Variants in CRTAC1 observed in about 807,000 individuals in gnomAD.
CRTAC1 encodes the protein acidic secreted protein in cartilage.
In CRTAC1, 37 loss-of-function variants were observed where a neutral mutation model predicts 67.8. The ratio of observed to expected loss-of-function variants is 0.55; its 90% CI spans 0.42 to 0.72. The LOEUF is 0.72. Among genes scored for constraint, CRTAC1 ranks in the 30% least tolerant of loss-of-function variants. The probability of loss-of-function intolerance (pLI) is 0.00; values close to 1 mark genes in which losing one functional copy is unlikely to be tolerated. For synonymous variants in CRTAC1, 348 were observed against 371.0 expected (o/e 0.94, Z 0.71); for missense variants, 780 against 931.6 (o/e 0.84, Z 2.12).
At chr10:97,978,321 T>C (rs1292085854) in intron 2 of CRTAC1, among the ~76,000 whole-genome samples, 2 of 152,144 alleles carry the variant, frequency 1.3e-5, no homozygotes, top group African/African-American at 4.8e-5. Flanking sequence ...TGAGCTCCAT[T>C]TTTTACCAGC....
chr10:97,898,050 C>T (rs2050485690), intron 8 of CRTAC1, among the ~76,000 whole-genome samples: 1 of 152,226 alleles, frequency 6.6e-6, no homozygotes, highest in South Asian at 2.1e-4. Flanking sequence ...CCCACAGTCC[C>T]TTTGACCATA....
chr10:97,865,453 C>T lies in CRTAC1; in HGVS notation c.*95G>A. Reference sequence around the variant, plus strand: ...ATGGGCTTGGGGAGGGTCTAGCTCCCAGGCCTTTACATCCCTACTGTCTAG... The same window carrying T: ...ATGGGCTTGGGGAGGGTCTAGCTCCTAGGCCTTTACATCCCTACTGTCTAG... On this transcript the variant is annotated 3_prime_UTR_variant, in exon 15 of 15. Coordinates refer to ENST00000370597, the MANE Select transcript of CRTAC1 (RefSeq NM_018058.7). The T allele has an allele frequency of 6.8e-7, 1 of 1,461,282 alleles. No homozygotes were observed. Among genetic ancestry groups the T allele is most frequent in the Non-Finnish European group, 9.2e-7 (1 of 1,084,366 alleles). 90.5% of individuals were successfully genotyped at this position (1,461,282 alleles called of 1,614,324 possible). A position where few individuals can be genotyped will look rare whatever the true frequency, so the allele number is the denominator to read the frequency against.
chr10:97,919,410 G>A (rs2050804804), intron 4 of CRTAC1, among the ~76,000 whole-genome samples: 1 of 152,186 alleles, frequency 6.6e-6, no homozygotes, highest in Admixed American at 6.5e-5. Flanking sequence ...AGAGGAGGAT[G>A]TATGTAGAGA....
At chr10:98,023,950 G>T (rs1279748395) in intron 1 of CRTAC1, among the ~76,000 whole-genome samples, 1 of 152,178 alleles carries the variant, frequency 6.6e-6, no homozygotes. Context: ...CTATAAGAGC[G>T]CCTCTGCCCT....
At chr10:97,919,855 C>A (rs1214304771) in intron 4 of CRTAC1, among the ~76,000 whole-genome samples, 1 of 145,072 alleles carries the variant, frequency 6.9e-6, no homozygotes, top group Non-Finnish European at 1.5e-5. Flanking sequence ...TCCTCCCACT[C>A]CAGCCTCCCA....
intron 14 of CRTAC1, among the ~76,000 whole-genome samples, chr10:97,874,638 A>T (rs948169254): frequency 6.6e-6 from 1 of 152,122 alleles, no homozygotes; most frequent in African/African-American, 2.4e-5. Context: ...GTGGCTACTT[A>T]ATAATAGTAT....
At chr10:98,025,852 A>G (rs954370225) in intron 1 of CRTAC1, among the ~76,000 whole-genome samples, 6 of 152,208 alleles carry the variant, frequency 3.9e-5, no homozygotes, top group Non-Finnish European at 8.8e-5. Context: ...AGGGCCCTCC[A>G]TCACATTCAG....
At chr10:97,993,860 T>A (rs1164455365) in intron 2 of CRTAC1, among the ~76,000 whole-genome samples, 1 of 152,182 alleles carries the variant, frequency 6.6e-6, no homozygotes, top group African/African-American at 2.4e-5. Context: ...GTAGAGTGTT[T>A]ACTCTTTTTT....
chr10:97,939,706 A>C (rs1288322662), intron 2 of CRTAC1, among the ~76,000 whole-genome samples: 7 of 151,598 alleles, frequency 4.6e-5, no homozygotes, highest in Admixed American at 1.3e-4. Flanking sequence ...TTGCTTCCTC[A>C]CCATCCCCTG....
intron 14 of CRTAC1, chr10:97,879,590 TG>T (rs2050184772): frequency 6.9e-7 from 1 of 1,458,818 alleles, no homozygotes; most frequent in Non-Finnish European, 9.1e-7. Flanking sequence ...CAGAACCTAC[TG>T]GGCGTGGAGA....
At chr10:97,898,633 G>A (rs1312461930) in intron 8 of CRTAC1, among the ~76,000 whole-genome samples, 1 of 152,216 alleles carries the variant, frequency 6.6e-6, no homozygotes, top group Non-Finnish European at 1.5e-5. Context: ...GCAATGGGGA[G>A]CTTCTAGAAG....
chr10:97,994,843 G>T (rs921991817), intron 2 of CRTAC1, among the ~76,000 whole-genome samples: 30 of 152,224 alleles, frequency 2.0e-4, no homozygotes, highest in Admixed American at 1.3e-4. Context: ...TTCCCAGAAG[G>T]AATGAAGGTC....
rs933744644 is a variant in CRTAC1 at position 97,975,295 on chromosome 10, G to A, written c.224+35843C>T. 1.3e-5 allele frequency among the ~76,000 whole-genome samples: 2 copies of A among 152,084 alleles called. No individual in the cohort carries two copies. Among genetic ancestry groups the A allele is most frequent in the Non-Finnish European group, 2.9e-5 (2 of 68,002 alleles). On this transcript the variant is annotated intron_variant, in intron 2 of 14. Coordinates refer to ENST00000370597, the MANE Select transcript of CRTAC1 (RefSeq NM_018058.7). The surrounding 1 kb of genome is among the most constrained non-coding windows in gnomAD (Gnocchi z 4.8). ...ATGCGGCTGTCCTCAGCCCCCTCAC[G>A]GAGCACGGGTGCTGCGGGAGGCGCC...
chr10:97,997,176 G>A (rs1244675290), intron 2 of CRTAC1, among the ~76,000 whole-genome samples: 12 of 147,452 alleles, frequency 8.1e-5, no homozygotes, highest in African/African-American at 2.5e-4. Context: ...CATGGCACAT[G>A]TATACATATG....
At chr10:97,904,281 C>T (rs1413331974) in intron 7 of CRTAC1, among the ~76,000 whole-genome samples, 23 of 152,146 alleles carry the variant, frequency 1.5e-4, no homozygotes, top group Non-Finnish European at 8.8e-5. Context: ...TCACCCCACC[C>T]CCACTCTGGG....
chr10:97,881,702 G>C (rs993728600), intron 13 of CRTAC1, among the ~76,000 whole-genome samples: 2 of 152,178 alleles, frequency 1.3e-5, no homozygotes, highest in Non-Finnish European at 2.9e-5. Context: ...GTTTGGAGTG[G>C]GGCTGGGTGG....
At position 97,865,345 on chromosome 10, in the gene CRTAC1, G is replaced by C. The variant is rs567115022; in HGVS notation, c.*203C>G. The C allele has an allele frequency of 1.3e-5, 7 of 556,006 alleles. No homozygotes were observed. In the South Asian group the frequency reaches 3.0e-4, roughly 24 times the overall value. 34.4% of individuals were successfully genotyped at this position (556,006 alleles called of 1,614,324 possible). ...TAAGCGCCATCAGGGCAGCGACCCT[G>C]TCTGCTGTGATCACAGCTATGTGCC... On this transcript the variant is annotated 3_prime_UTR_variant, in exon 15 of 15. Coordinates refer to ENST00000370597, the MANE Select transcript of CRTAC1 (RefSeq NM_018058.7).
At chr10:97,920,975 T>G (rs1471160391) in intron 4 of CRTAC1, among the ~76,000 whole-genome samples, 2 of 152,016 alleles carry the variant, frequency 1.3e-5, no homozygotes. Context: ...GTTCCGGGTT[T>G]GGAGCAGAGA....
In CRTAC1 at chr10:98,030,451, C is replaced by T. The variant is rs1000117718; in HGVS notation, c.22G>A (p.Gly8Ser). The change falls in exon 1 of 15, where the codon GGC becomes AGC. Residue 8 changes from glycine (G) to serine (S), a missense_variant and splice_region_variant. Transcript: ENST00000370597. The surrounding 1 kb of genome is among the most constrained non-coding windows in gnomAD (Gnocchi z 4.2). The stretch of plus-strand genomic sequence containing the variant: ...GGGGCACCGGTGCAGATACTCACGC[C>T]GGGGTCAGCGCTCGGAGCCATCCTC... Reference protein sequence around the residue: MAPSADPGMSRMLPFLLL... With the variant: MAPSADPSMSRMLPFLLL... 11 of 1,250,684 alleles carry T rather than the reference C, an allele frequency of 8.8e-6. No individual in the cohort carries two copies. The African/African-American group carries it at 1.4e-4, about 16-fold the overall frequency. The allele number at this position is 1,250,684 out of a possible 1,614,324, so 77.5% of individuals were successfully genotyped here. A position where few individuals can be genotyped will look rare whatever the true frequency, so the allele number is the denominator to read the frequency against.
Sources: gnomAD v4.1 joint callset for allele counts (sites outside exome capture counted in the v4.1 genomes callset) on GRCh38, gnomAD v4.1.1 for gene constraint, Gnocchi (gnomAD v3.1) non-coding constraint, MANE v1.5 for transcripts, NCBI Gene and HGNC (gene_info 2026-07-23, HGNC 2026-07-21) for gene names.